The following SLC8A1 variants were observed in gnomAD, a reference collection of about 807,000 sequenced individuals.
The protein encoded by SLC8A1 is sodium/calcium exchanger 1.
Under a neutral mutation model 68.3 loss-of-function variants are expected in SLC8A1, and 18 were observed. The observed-to-expected ratio is 0.26, with a 90% CI of 0.18 to 0.39. The LOEUF is 0.39. SLC8A1 is among the 10% of genes least tolerant of loss of function. SLC8A1 has a pLI of 1.00. For missense variants in SLC8A1, 985 were observed against 1,156.7 expected (o/e 0.85, Z 2.15); for synonymous variants, 475 against 415.5 (o/e 1.14, Z -1.74).
intron 2 of SLC8A1, chr2:40,213,627 C>T (rs2056981729): frequency 6.6e-6 from 1 of 152,242 alleles, no homozygotes; most frequent in South Asian, 2.1e-4. Context: ...CACCAACCAG[C>T]CCAGCATCTG....
chr2:40,119,376 A>G (rs1231632603), intron 7 of SLC8A1, among the ~76,000 whole-genome samples: 1 of 151,978 alleles, frequency 6.6e-6, no homozygotes, highest in East Asian at 1.9e-4. Context: ...AATCCAAACC[A>G]CTAACCTTAG....
chr2:40,402,111 G>C (rs982608258), intron 2 of SLC8A1, among the ~76,000 whole-genome samples: 3 of 152,164 alleles, frequency 2.0e-5, no homozygotes. Context: ...CCTTGCTGGT[G>C]AAAGGATGTG....
intron 5 of SLC8A1, 59 bp downstream of exon 8, chr2:40,164,795 T>G: frequency 5.0e-6 from 8 of 1,600,590 alleles, no homozygotes; most frequent in Non-Finnish European, 6.8e-6. Flanking sequence ...GCCAACCCTA[T>G]GAACAGTTTC....
chr2:40,465,992 T>C (rs960389228), intron 1 of SLC8A1, among the ~76,000 whole-genome samples: 2 of 152,190 alleles, frequency 1.3e-5, no homozygotes, highest in Non-Finnish European at 2.9e-5. Flanking sequence ...GCTTCTGCTA[T>C]GTGAGGACAC....
chr2:40,429,636 G>T lies in SLC8A1; in HGVS notation c.645C>A (p.Tyr215Ter). ...CAGACAAAATAATGTAAAGCCAGGT[G>T]TAGGCAAAGATGCTCCAGGCTGCTG... The change falls in exon 2 of 8, where the codon TAC (tyrosine) becomes TAA (stop). Residue 215 changes from tyrosine to a stop codon, truncating the protein, a stop_gained. Transcript: ENST00000406785. LOFTEE classifies it high-confidence loss of function. 6.2e-7 allele frequency: 1 copy of T among 1,613,842 alleles called. No homozygotes were observed. Among genetic ancestry groups the T allele is most frequent in the East Asian group, 2.2e-5 (1 of 44,862 alleles).
intron 2 of SLC8A1, among the ~76,000 whole-genome samples, chr2:40,365,751 A>T (rs537580559): frequency 2.0e-5 from 3 of 152,172 alleles, no homozygotes; most frequent in South Asian, 4.1e-4. Flanking sequence ...CTATAATCTA[A>T]GCACTTTGGG....
chr2:40,225,910 C>G (rs148699268), intron 2 of SLC8A1, among the ~76,000 whole-genome samples: 119 of 152,258 alleles, frequency 7.8e-4, no homozygotes, highest in African/African-American at 2.9e-3. Flanking sequence ...GTTAGAGTTG[C>G]TCTATTTATA....
At chr2:40,301,788 T>G (rs937873297) in intron 2 of SLC8A1, among the ~76,000 whole-genome samples, 2 of 152,176 alleles carry the variant, frequency 1.3e-5, no homozygotes, top group Non-Finnish European at 2.9e-5. Context: ...AGGTGGTACT[T>G]GGTTTCATGA....
intron 7 of SLC8A1, among the ~76,000 whole-genome samples, chr2:40,127,481 T>G (rs988123397): frequency 4.6e-5 from 7 of 152,190 alleles, no homozygotes; most frequent in Non-Finnish European, 7.4e-5. Context: ...ATCTGAAGGC[T>G]CATCATACAC....
At chr2:40,177,660 G>A (rs576262533) in intron 3 of SLC8A1, 9 of 777,914 alleles carry the variant, frequency 1.2e-5, no homozygotes, top group East Asian at 2.7e-5. Flanking sequence ...CTTGGAAGCC[G>A]AGGAAGAGGA....
chr2:40,439,775 A>G (rs80232406), intron 1 of SLC8A1, among the ~76,000 whole-genome samples: 2,180 of 152,172 alleles, frequency 0.014, 53 homozygotes, highest in African/African-American at 0.049. Context: ...CAGTCCTTGA[A>G]AGAATAAGCT....
intron 3 of SLC8A1, among the ~76,000 whole-genome samples, chr2:40,175,770 T>A (rs2048362755): frequency 6.6e-6 from 1 of 152,096 alleles, no homozygotes; most frequent in Admixed American, 6.6e-5. Context: ...TAAGTACAGG[T>A]GAAACATCCT....
At chr2:40,360,440 G>GA (rs1268966677) in intron 2 of SLC8A1, among the ~76,000 whole-genome samples, 1 of 152,028 alleles carries the variant, frequency 6.6e-6, no homozygotes, top group Non-Finnish European at 1.5e-5. Context: ...ATTTATATAA[G>GA]AGCCCTTTAT....
At chr2:40,433,629 T>C (rs773569585) in intron 1 of SLC8A1, among the ~76,000 whole-genome samples, 1 of 152,198 alleles carries the variant, frequency 6.6e-6, no homozygotes, top group South Asian at 2.1e-4. Context: ...GTAGGTACTA[T>C]TAGCCCATTT....
At chr2:40,147,570 T>A (rs1388627411) in intron 6 of SLC8A1, among the ~76,000 whole-genome samples, 3 of 152,190 alleles carry the variant, frequency 2.0e-5, no homozygotes, top group African/African-American at 7.2e-5. Context: ...AAGACTGGCC[T>A]GAGGACTCTG....
chr2:40,312,697 T>C (rs2073891546), intron 2 of SLC8A1, among the ~76,000 whole-genome samples: 1 of 152,092 alleles, frequency 6.6e-6, no homozygotes, highest in African/African-American at 2.4e-5. Flanking sequence ...GCATACCAAG[T>C]TAATCACATA....
chr2:40,261,727 T>G (rs1488035816), intron 2 of SLC8A1, among the ~76,000 whole-genome samples: 2 of 51,364 alleles, frequency 3.9e-5, no homozygotes, highest in Non-Finnish European at 3.6e-5. Context: ...AATGTGCGAG[T>G]GGGTACTGCG....
chr2:40,238,646 A>G (rs1310582706), intron 2 of SLC8A1, among the ~76,000 whole-genome samples: 1 of 152,140 alleles, frequency 6.6e-6, no homozygotes, highest in Admixed American at 6.5e-5. Context: ...TCTGTTTCTT[A>G]CTGGCAATAT....
intron 2 of SLC8A1, 35 bp downstream of exon 3, chr2:40,178,352 A>T: frequency 6.5e-7 from 1 of 1,532,890 alleles, no homozygotes; most frequent in Non-Finnish European, 9.0e-7. Context: ...GGCCAGCAGA[A>T]GCTGTTGGGC....
Sources: gnomAD v4.1 joint callset for allele counts (sites outside exome capture counted in the v4.1 genomes callset) on GRCh38, gnomAD v4.1.1 for gene constraint, MANE v1.5 for transcripts, NCBI Gene and HGNC (gene_info 2026-07-23, HGNC 2026-07-21) for gene names.